ARID3B: variants seen among roughly 807,000 people sequenced by gnomAD.
The protein encoded by ARID3B is AT-rich interaction domain 3B.
ARID3B carries 10 observed loss-of-function variants against 51.9 expected under a neutral mutation model. The ratio of observed to expected loss-of-function variants is 0.19; its 90% CI spans 0.12 to 0.33. The LOEUF is 0.33. Among genes scored for constraint, ARID3B ranks in the 10% least tolerant of loss-of-function variants. The pLI is 1.00. For missense variants in ARID3B, 483 were observed against 716.3 expected (o/e 0.67, Z 3.72); for synonymous variants, 205 against 279.5 (o/e 0.73, Z 2.66).
At chr15:74,544,883 G>A (rs1406122200) in intron 2 of ARID3B, among the ~76,000 whole-genome samples, 1 of 151,800 alleles carries the variant, frequency 6.6e-6, no homozygotes, top group Non-Finnish European at 1.5e-5. Context: ...GCAGAGACGG[G>A]GTTTCACCGT....
At chr15:74,558,964 C>T (rs186265390) in intron 2 of ARID3B, among the ~76,000 whole-genome samples, 1 of 152,296 alleles carries the variant, frequency 6.6e-6, no homozygotes, top group Non-Finnish European at 1.5e-5. Flanking sequence ...ATATGAGTCC[C>T]CTGCCAGATG....
In ARID3B at chr15:74,591,824, G is replaced by T. The variant is rs535756681; in HGVS notation, c.1420+10G>T. The T allele has an allele frequency of 6.2e-7, 1 of 1,609,864 alleles. No homozygotes were observed. Among genetic ancestry groups the T allele is most frequent in the East Asian group, 2.2e-5 (1 of 44,774 alleles). On this transcript the variant is annotated intron_variant, in intron 7 of 8. Transcript: ENST00000346246. This position sits in a 1 kb window ranked among gnomAD's most constrained non-coding sequence, Gnocchi z 5.8. ...AGGATCAACGGCAGGGGTGAGCCAGGCTCAGGGCCGGGCCTTCCCTTCCTG... is the reference window on the plus strand; with the variant it reads ...AGGATCAACGGCAGGGGTGAGCCAGTCTCAGGGCCGGGCCTTCCCTTCCTG...
At chr15:74,567,742 C>T (rs138336753) in intron 2 of ARID3B, among the ~76,000 whole-genome samples, 244 of 152,248 alleles carry the variant, frequency 1.6e-3, no homozygotes, top group African/African-American at 5.8e-3. Context: ...GTAACTTCTG[C>T]CTATCACACT....
At chr15:74,588,364 T>C (rs1345404978) in intron 4 of ARID3B, among the ~76,000 whole-genome samples, 1 of 152,112 alleles carries the variant, frequency 6.6e-6, no homozygotes, top group East Asian at 1.9e-4. Context: ...AGGCTGCCAT[T>C]CAGAGCTGAG....
At chr15:74,588,182 C>T (rs1042052805) in intron 4 of ARID3B, among the ~76,000 whole-genome samples, 3 of 151,372 alleles carry the variant, frequency 2.0e-5, no homozygotes, top group African/African-American at 4.9e-5. Flanking sequence ...TGCAATAAGT[C>T]ATGATTGCAC....
chr15:74,595,631 C>T lies in ARID3B; in HGVS notation c.1540C>T (p.Pro514Ser), dbSNP rs2061821834. ...CCAAGGTGTGCTGTTTGCCCAGAAG[C>T]CTGTGGTCCACCTCATCACGGGGTC... is the stretch of plus-strand genomic sequence containing the variant. The part of the protein sequence containing the change: ...TYAGVLFAQK[P>S]VVHLITGSAP... The change falls in exon 9 of 9, where the codon CCT becomes TCT. Residue 514 changes from proline to serine, a missense_variant. By Grantham distance (74) the Pro-to-Ser change is moderately conservative. This residue lies in a region of ARID3B where 265 missense variants were observed against 354.4 expected (regional missense o/e 0.75). Transcript: ENST00000346246. 7 of 1,612,842 alleles carry T rather than the reference C, an allele frequency of 4.3e-6. No individual in the cohort carries two copies. The highest frequency in any genetic ancestry group is 5.1e-6 in the Non-Finnish European group (6 of 1,179,298).
In ARID3B at chr15:74,595,813, G is replaced by A. The variant is rs1291398024; in HGVS notation, c.*39G>A. ...GCTTCCCACTTGCCACTCTCCTGTC[G>A]AGAGTGAAGGAAGTTGATGCACAGA... On this transcript the variant is annotated 3_prime_UTR_variant, in exon 9 of 9. Transcript: ENST00000346246. The A allele has an allele frequency of 5.1e-6, 8 of 1,571,682 alleles. No individual in the cohort carries two copies. The highest frequency in any genetic ancestry group is 1.4e-5 in the African/African-American group (1 of 73,336).
chr15:74,572,903 G>T lies in ARID3B; in HGVS notation c.594G>T (p.Arg198=), dbSNP rs775891327. The change falls in exon 3 of 9, where the codon CGG becomes CGT. Residue 198 remains arginine (R), a synonymous_variant. Transcript: ENST00000346246. The part of the protein sequence containing the change: ...LAWSDDADGG[R]GREISRDFAK... ...GGAGTGATGATGCAGATGGAGGCCG[G>T]GGAAGAGAGATCTCTCGAGATTTTG... 1.9e-6 allele frequency: 3 copies of T among 1,614,172 alleles called. No individual in the cohort carries two copies. The highest frequency in any genetic ancestry group is 2.5e-6 in the Non-Finnish European group (3 of 1,180,032).
At chr15:74,588,333 C>T (rs756687338) in intron 4 of ARID3B, among the ~76,000 whole-genome samples, 56 of 151,980 alleles carry the variant, frequency 3.7e-4, no homozygotes, top group Non-Finnish European at 6.8e-4. Context: ...TGGCTTGAAC[C>T]ATCCTGTAAA....
At position 74,556,114 on chromosome 15, in the gene ARID3B, C is replaced by T. The variant is rs144231131; in HGVS notation, c.552+11626C>T. On this transcript the variant is annotated intron_variant, in intron 2 of 8. Coordinates refer to ENST00000346246, the MANE Select transcript of ARID3B (RefSeq NM_006465.4). ...GCTATCTGGGCTTTCAACATGCCTTCCTCACTAAGCTTAATAATTTCTAGC... is the reference window on the plus strand; with the variant it reads ...GCTATCTGGGCTTTCAACATGCCTTTCTCACTAAGCTTAATAATTTCTAGC... Among the ~76,000 whole-genome samples, 978 of 152,148 alleles carry T rather than the reference C, an allele frequency of 6.4e-3. 11 individuals are homozygous for T. Among genetic ancestry groups the T allele is most frequent in the African/African-American group, 0.022 (926 of 41,522 alleles).
intron 1 of ARID3B, 62 bp from the exon 2 acceptor site, chr15:74,543,798 A>T: frequency 8.6e-7 from 1 of 1,160,684 alleles, no homozygotes; most frequent in Non-Finnish European, 1.2e-6. Flanking sequence ...AAACCTTTTT[A>T]TACCTGCTTA....
At chr15:74,590,575 CTGAAGAA>C (rs959732249) in intron 5 of ARID3B, among the ~76,000 whole-genome samples, 1 of 152,212 alleles carries the variant, frequency 6.6e-6, no homozygotes, top group African/African-American at 2.4e-5. Context: ...AATAGTAGCA[CTGAAGAA>C]TGAGGGCCAG....
chr15:74,568,781 G>A (rs2061709004), intron 2 of ARID3B, among the ~76,000 whole-genome samples: 1 of 152,150 alleles, frequency 6.6e-6, no homozygotes, highest in South Asian at 2.1e-4. Flanking sequence ...TGAGAAGGCT[G>A]TAAATGGCAG....
intron 2 of ARID3B, among the ~76,000 whole-genome samples, chr15:74,549,235 C>G (rs1241807219): frequency 6.6e-6 from 1 of 151,976 alleles, no homozygotes; most frequent in Admixed American, 6.5e-5. Flanking sequence ...CCACCACGCC[C>G]GGCTAATTTT....
At chr15:74,578,963 A>C (rs2061748735) in intron 4 of ARID3B, among the ~76,000 whole-genome samples, 1 of 152,164 alleles carries the variant, frequency 6.6e-6, no homozygotes, top group Non-Finnish European at 1.5e-5. Context: ...ACGAAAGAAA[A>C]TAGCCTGAGT....
Position 74,589,709 on chromosome 15 carries a change from C to A in ARID3B, c.698-111C>A, listed in dbSNP as rs2061796171. On this transcript the variant is annotated intron_variant, in intron 4 of 8. Coordinates refer to ENST00000346246, the MANE Select transcript of ARID3B (RefSeq NM_006465.4). ...GGGGAGTTTGAGTTAAATTACACTT[C>A]CAGGTTGATGAGCATTGTTTCCAGC... 1.0e-5 allele frequency: 12 copies of A among 1,180,348 alleles called. No individual in the cohort carries two copies. In the South Asian group the frequency reaches 1.0e-4, roughly 10 times the overall value. 73.1% of individuals were successfully genotyped at this position (1,180,348 alleles called of 1,614,324 possible).
chr15:74,583,607 C>A (rs914712347), intron 4 of ARID3B, among the ~76,000 whole-genome samples: 3 of 151,932 alleles, frequency 2.0e-5, no homozygotes, highest in Non-Finnish European at 4.4e-5. Context: ...ATCCCAGCCA[C>A]TTGGGAGCCG....
chr15:74,568,599 C>T (rs2061707822), intron 2 of ARID3B, among the ~76,000 whole-genome samples: 1 of 152,196 alleles, frequency 6.6e-6, no homozygotes. Context: ...ACACTAGCTT[C>T]CTGCTACCTT....
intron 4 of ARID3B, among the ~76,000 whole-genome samples, chr15:74,580,635 C>T (rs1379634395): frequency 1.3e-5 from 2 of 152,194 alleles, no homozygotes; most frequent in South Asian, 2.1e-4. Flanking sequence ...GAAGAAGCAG[C>T]CCCAAGGTTA....
Sources: gnomAD v4.1 joint callset for allele counts (sites outside exome capture counted in the v4.1 genomes callset) on GRCh38, gnomAD v4.1.1 for gene constraint, gnomAD v4.1.1 regional missense constraint, Gnocchi (gnomAD v3.1) non-coding constraint, MANE v1.5 for transcripts, NCBI Gene and HGNC (gene_info 2026-07-23, HGNC 2026-07-21) for gene names.